SETX: variants seen among roughly 807,000 people sequenced by gnomAD.
The protein encoded by SETX is helicase senataxin.
A neutral mutation model predicts 227.2 loss-of-function variants in SETX; 90 were observed. That is an observed-to-expected ratio of 0.40 (90% CI 0.33 to 0.47). The LOEUF (loss-of-function observed/expected upper bound fraction) is 0.47. Among genes scored for constraint, SETX ranks in the 20% least tolerant of loss-of-function variants. The probability of loss-of-function intolerance (pLI) is 0.91; values close to 1 mark genes in which losing one functional copy is unlikely to be tolerated. For synonymous variants in SETX, 1,210 were observed against 1,113.2 expected, an observed-to-expected ratio of 1.09 and a Z score of -1.73; for missense variants, 3,052 against 3,181.5, an observed-to-expected ratio of 0.96 and a Z score of 0.98.
chr9:132,332,922 A>G (rs1847333301), intron 7 of SETX, among the ~76,000 whole-genome samples: 1 of 151,826 alleles, frequency 6.6e-6, no homozygotes, highest in Admixed American at 6.6e-5. Context: ...TCAAAAGAAA[A>G]AAAAAAAAAA....
At position 132,269,891 on chromosome 9, in the gene SETX, ATT is replaced by A. The variant is rs60721827; in HGVS notation, c.7200-191_7200-190del. Reference sequence around the variant, plus strand: ...GCGTGCCCGTGTGAGACACAGGTGGATTCTAGAATGACTCAGCATCCTCATGT... The same window carrying A: ...GCGTGCCCGTGTGAGACACAGGTGGACTAGAATGACTCAGCATCCTCATGT... On this transcript the variant is annotated intron_variant, in intron 24 of 25. Transcript: ENST00000224140. 3.6e-3 allele frequency among the ~76,000 whole-genome samples: 514 copies of A among 141,038 alleles called. 15 individuals carry two copies. Among genetic ancestry groups the A allele is most frequent in the African/African-American group, 0.014 (484 of 34,580 alleles). The allele number at this position is 141,038 out of a possible 152,430, so 92.5% of individuals were successfully genotyped here. A position where few individuals can be genotyped will look rare whatever the true frequency, so the allele number is the denominator to read the frequency against.
At chr9:132,271,293 G>C (rs189570508) in intron 24 of SETX, among the ~76,000 whole-genome samples, 1 of 152,356 alleles carries the variant, frequency 6.6e-6, no homozygotes, top group African/African-American at 2.4e-5. Flanking sequence ...GCCGGGCGCA[G>C]TGACTCACGC....
Position 132,328,304 on chromosome 9 carries a change from G to A in SETX, c.3294C>T (p.Asp1098=), listed in dbSNP as rs61732723. Residue 1098 remains aspartate, a synonymous_variant, in exon 10 of 26, where the codon GAC becomes GAT. Coordinates refer to ENST00000224140, the MANE Select transcript of SETX (RefSeq NM_015046.7). Reference sequence around the variant, plus strand: ...CACCATCTTGAACTGAATTATTATCGTCTGGATGATCTTGCCAAACTGAAA... The same window carrying A: ...CACCATCTTGAACTGAATTATTATCATCTGGATGATCTTGCCAAACTGAAA... ...EVFSVWQDHP[D]DNNSVQDGEK... 1.9e-5 allele frequency: 31 copies of A among 1,613,776 alleles called. No homozygotes were observed. Among genetic ancestry groups the A allele is most frequent in the Admixed American group, 3.3e-5 (2 of 59,984 alleles).
In SETX at chr9:132,328,729, G is replaced by A; in HGVS notation, c.2869C>T (p.Gln957Ter). The change falls in exon 10 of 26, where the codon CAG (glutamine) becomes TAG (stop). Residue 957 changes from glutamine to a stop codon, truncating the protein, a stop_gained. Coordinates refer to ENST00000224140, the MANE Select transcript of SETX (RefSeq NM_015046.7). LOFTEE classifies it high-confidence loss of function. The part of the protein sequence containing the change: ...SPKSDTLTDS[Q>*]IDRDLHKLSL... The stretch of plus-strand genomic sequence containing the variant: ...AATTTGTGAAGGTCTCTGTCTATCT[G>A]AGAATCCGTTAAGGTGTCAGATTTA... 1.2e-6 allele frequency: 2 copies of A among 1,613,516 alleles called. No homozygotes were observed. Among genetic ancestry groups the A allele is most frequent in the African/African-American group, 1.3e-5 (1 of 75,048 alleles).
At chr9:132,272,767 C>T (rs1842960897) in intron 23 of SETX, among the ~76,000 whole-genome samples, 1 of 152,210 alleles carries the variant, frequency 6.6e-6, no homozygotes, top group Admixed American at 6.5e-5. Context: ...TGACTGTTCC[C>T]TTAGCATAAC....
At chr9:132,309,643 T>A (rs1445971443) in intron 11 of SETX, among the ~76,000 whole-genome samples, 1 of 151,344 alleles carries the variant, frequency 6.6e-6, no homozygotes, top group African/African-American at 2.4e-5. Context: ...GAGTTTGAGA[T>A]CAGCCTGGGC....
rs138176538 is a variant in SETX, at chr9:132,262,010, T to G, written c.*2229A>C. On this transcript the variant is annotated 3_prime_UTR_variant, in exon 26 of 26. Transcript: ENST00000224140. ...GGCTTTGGCAAATACTTGTACCAACTGGAACGAGTGAAGTTTCAAAAGTAA... is the reference window on the plus strand; with the variant it reads ...GGCTTTGGCAAATACTTGTACCAACGGGAACGAGTGAAGTTTCAAAAGTAA... 1.3e-5 allele frequency: 2 copies of G among 154,264 alleles called. No individual in the cohort carries two copies. Among genetic ancestry groups the G allele is most frequent in the East Asian group, 3.9e-4 (2 of 5,186 alleles). 9.6% of individuals were successfully genotyped at this position (154,264 alleles called of 1,614,324 possible).
At chr9:132,330,592 T>C (rs1189929723) in intron 9 of SETX, 93 bp from the exon 10 acceptor site, 7 of 1,085,424 alleles carry the variant, frequency 6.4e-6, no homozygotes, top group African/African-American at 1.6e-5. Flanking sequence ...GTTTCTCAAC[T>C]CTCTTATTTT....
At chr9:132,286,175 T>C (rs1357687036) in intron 18 of SETX, among the ~76,000 whole-genome samples, 3 of 129,160 alleles carry the variant, frequency 2.3e-5, no homozygotes, top group East Asian at 2.3e-4. Context: ...GAGCAAGACT[T>C]CACCTCAAAA....
chr9:132,274,512 G>T (rs1843059701), intron 23 of SETX, among the ~76,000 whole-genome samples: 1 of 150,358 alleles, frequency 6.7e-6, no homozygotes, highest in African/African-American at 2.5e-5. Flanking sequence ...GGCAATCTCA[G>T]CTCACTGCAG....
rs779439096 is a variant in SETX at position 132,293,980 on chromosome 9, C to T, written c.6106+1892G>A. Among the ~76,000 whole-genome samples, 85 of 152,120 alleles carry T rather than the reference C, an allele frequency of 5.6e-4. No individual in the cohort carries two copies. In the Middle Eastern group the frequency reaches 0.01, roughly 18 times the overall value. ...CGGAGCTTGCAGTGAGCCGAGATCG[C>T]GCCACTGCACTCCAGCCTGGGCGAC... On this transcript the variant is annotated intron_variant, in intron 15 of 25. Coordinates refer to ENST00000224140, the MANE Select transcript of SETX (RefSeq NM_015046.7).
chr9:132,264,944 C>T lies in SETX; in HGVS notation c.7329G>A (p.Lys2443=), dbSNP rs2131115352. The T allele has an allele frequency of 6.2e-7, 1 of 1,614,074 alleles. No homozygotes were observed. Among genetic ancestry groups the T allele is most frequent in the South Asian group, 1.1e-5 (1 of 91,080 alleles). Residue 2443 remains lysine (K), a synonymous_variant, in exon 26 of 26, where the codon AAG becomes AAA. Coordinates refer to ENST00000224140, the MANE Select transcript of SETX (RefSeq NM_015046.7). ...HWNQLIQDAQ[K]RGAIIKTCDK... The stretch of plus-strand genomic sequence containing the variant: ...CACAGGTCTTAATAATGGCACCACG[C>T]TTCTGAGCATCCTGAATCAGCTGAT...
At chr9:132,298,462 AC>A in intron 12 of SETX, 150 bp from the exon 13 acceptor site, 1 of 735,932 alleles carries the variant, frequency 1.4e-6, no homozygotes, top group South Asian at 1.6e-5. Flanking sequence ...TGCTTCCTGA[AC>A]CCAGTAATGT....
chr9:132,277,950 T>C, intron 21 of SETX, 120 bp downstream of exon 21: 1 of 999,382 alleles, frequency 1.0e-6, no homozygotes, highest in Admixed American at 2.0e-5. Context: ...AGGACAAAAT[T>C]ATTAACCCTT....
intron 25 of SETX, among the ~76,000 whole-genome samples, chr9:132,267,857 G>A (rs574618611): frequency 1.1e-4 from 17 of 152,232 alleles, no homozygotes; most frequent in Non-Finnish European, 1.6e-4. Flanking sequence ...ATCATGATGC[G>A]CCTCATCCAT....
chr9:132,294,275 A>C (rs911927183), intron 15 of SETX, among the ~76,000 whole-genome samples: 2 of 152,182 alleles, frequency 1.3e-5, no homozygotes, highest in African/African-American at 4.8e-5. Context: ...TTGAACCCCC[A>C]CATTTTCAAT....
At position 132,287,141 on chromosome 9, in the gene SETX, G is replaced by T. The variant is rs1051000037; in HGVS notation, c.6325-647C>A. On this transcript the variant is annotated intron_variant, in intron 17 of 25. Coordinates refer to ENST00000224140, the MANE Select transcript of SETX (RefSeq NM_015046.7). ...AACTGGGCTCAACATGCAACTGAAA[G>T]GCAACTAATAAACTCAGTATAGCTT... is the stretch of plus-strand genomic sequence containing the variant. Among the ~76,000 whole-genome samples, 5 of 152,280 alleles carry T rather than the reference G, an allele frequency of 3.3e-5. No homozygotes were observed. In the East Asian group the frequency reaches 9.6e-4, roughly 29 times the overall value.
intron 21 of SETX, among the ~76,000 whole-genome samples, chr9:132,277,635 T>C (rs1448298706): frequency 6.6e-6 from 1 of 151,682 alleles, no homozygotes; most frequent in Admixed American, 6.6e-5. Flanking sequence ...AATACAAAAA[T>C]TAGCCAGGCA....
At chr9:132,281,405 T>C (rs1843493150) in intron 20 of SETX, 62 bp downstream of exon 20, 1 of 1,293,918 alleles carries the variant, frequency 7.7e-7, no homozygotes, top group Non-Finnish European at 1.1e-6. Flanking sequence ...CTCTCCCTCC[T>C]GAAAACAAAA....
Sources: allele counts gnomAD v4.1 joint callset (sites outside exome capture counted in the v4.1 genomes callset), GRCh38; gene constraint gnomAD v4.1.1; transcripts MANE v1.5; gene names NCBI Gene and HGNC (gene_info 2026-07-23, HGNC 2026-07-21).